The following ARAP1 variants were observed in gnomAD, a reference collection of about 807,000 sequenced individuals.
The protein encoded by ARAP1 is arf-GAP with Rho-GAP domain, ANK repeat and PH domain-containing protein 1.
Under a neutral mutation model 172.2 loss-of-function variants are expected in ARAP1, and 76 were observed. The observed-to-expected ratio is 0.44, with a 90% CI of 0.37 to 0.53. The LOEUF is 0.53. Among genes scored for constraint, ARAP1 ranks in the 20% least tolerant of loss-of-function variants. The probability of loss-of-function intolerance (pLI) is 0.00; values close to 1 mark genes in which losing one functional copy is unlikely to be tolerated. For synonymous variants in ARAP1, 804 were observed against 803.3 expected, an observed-to-expected ratio of 1.00 and a Z score of -0.01; for missense variants, 1,686 against 1,977.5, an observed-to-expected ratio of 0.85 and a Z score of 2.80.
intron 2 of ARAP1, among the ~76,000 whole-genome samples, chr11:72,731,052 T>C (rs1857852091): frequency 6.6e-6 from 1 of 152,200 alleles, no homozygotes; most frequent in African/African-American, 2.4e-5. Context: ...TGGAGTAGTG[T>C]GCAGCTACTG....
Position 72,693,514 on chromosome 11 carries a change from A to T in ARAP1, c.3809-44T>A, listed in dbSNP as rs1230191665. On this transcript the variant is annotated intron_variant, in intron 28 of 34. Transcript: ENST00000393609. The surrounding 1 kb of genome is among the most constrained non-coding windows in gnomAD (Gnocchi z 4.6). Reference sequence around the variant, plus strand: ...GTGGGCACAGGCTGCACCAACCCCTACCCGGGGCTGGGTCCCAGGATGAAG... The same window carrying T: ...GTGGGCACAGGCTGCACCAACCCCTTCCCGGGGCTGGGTCCCAGGATGAAG... 18 of 1,587,090 alleles carry T rather than the reference A, an allele frequency of 1.1e-5. No homozygotes were observed. The highest frequency in any genetic ancestry group is 1.5e-5 in the Non-Finnish European group (18 of 1,163,164).
intron 30 of ARAP1, 190 bp from the exon 31 acceptor site, chr11:72,688,727 C>T: frequency 1.7e-6 from 1 of 572,618 alleles, no homozygotes; most frequent in Non-Finnish European, 3.1e-6. Context: ...CCTCCCAGCC[C>T]TAGGCCCCCA....
At position 72,692,794 on chromosome 11, in the gene ARAP1, T is replaced by C. The variant is rs373747325; in HGVS notation, c.3955-9A>G. The C allele has an allele frequency of 4.9e-5, 79 of 1,613,280 alleles. 1 individual carries two copies. Among genetic ancestry groups the C allele is most frequent in the Non-Finnish European group, 6.4e-5 (76 of 1,179,954 alleles). On this transcript the variant is annotated splice_polypyrimidine_tract_variant and intron_variant, in intron 29 of 34. Transcript: ENST00000393609. ...CTCCACGGCCTCTGGCTCTGTTTGATAGAGGATCAGGGTTATGGAAGAAGT... is the reference window on the plus strand; with the variant it reads ...CTCCACGGCCTCTGGCTCTGTTTGACAGAGGATCAGGGTTATGGAAGAAGT...
chr11:72,732,590 G>C lies in ARAP1; in HGVS notation c.-120C>G, dbSNP rs1857898385. 6.6e-6 allele frequency: 1 copy of C among 152,350 alleles called. No homozygotes were observed. The highest frequency in any genetic ancestry group is 2.4e-5 in the African/African-American group (1 of 41,448). The allele number at this position is 152,350 out of a possible 1,614,324, so 9.4% of individuals were successfully genotyped here. On this transcript the variant is annotated 5_prime_UTR_variant, in exon 2 of 35. Transcript: ENST00000393609. ...TGAAGGGCTCCTCATCTCGGCCTGA[G>C]GCGGGAGCTGCAAGGACAGGGATGG...
In ARAP1 at chr11:72,693,305, A is replaced by C. The variant is rs1031056497; in HGVS notation, c.3954+20T>G. The C allele has an allele frequency of 4.3e-6, 7 of 1,611,918 alleles. No homozygotes were observed. Among genetic ancestry groups the C allele is most frequent in the Non-Finnish European group, 5.9e-6 (7 of 1,178,714 alleles). On this transcript the variant is annotated intron_variant, in intron 29 of 34. Transcript: ENST00000393609. The surrounding 1 kb of genome is among the most constrained non-coding windows in gnomAD (Gnocchi z 4.6). ...TGTACAGGTGCCCACCCTGGGGCAG[A>C]ACCCAGCGGGGCCACTTACCCGGAC...
chr11:72,687,377 C>A (rs1191704552), intron 33 of ARAP1, 62 bp downstream of exon 33: 1 of 1,597,596 alleles, frequency 6.3e-7, no homozygotes, highest in Non-Finnish European at 8.6e-7. Context: ...GCCAATGTCC[C>A]CATTCTCCAT....
chr11:72,733,662 G>A (rs1857931597), intron 1 of ARAP1, among the ~76,000 whole-genome samples: 1 of 152,134 alleles, frequency 6.6e-6, no homozygotes, highest in Admixed American at 6.5e-5. Flanking sequence ...CAACACTAGG[G>A]TTAACTTCAA....
Position 72,693,830 on chromosome 11 carries a change from C to A in ARAP1, c.3695-25G>T. The A allele has an allele frequency of 6.4e-7, 1 of 1,557,094 alleles. No individual in the cohort carries two copies. Among genetic ancestry groups the A allele is most frequent in the Non-Finnish European group, 8.7e-7 (1 of 1,150,238 alleles). Reference sequence around the variant, plus strand: ...TCTGGGGAGAGGTCACACCTACCGTCACTGGGACCACATGGCCCGATACCA... The same window carrying A: ...TCTGGGGAGAGGTCACACCTACCGTAACTGGGACCACATGGCCCGATACCA... On this transcript the variant is annotated intron_variant, in intron 27 of 34. Transcript: ENST00000393609. This position sits in a 1 kb window ranked among gnomAD's most constrained non-coding sequence, Gnocchi z 4.6.
rs894672741 is a variant in ARAP1, at chr11:72,725,471, A to C, written c.509+1149T>G. 6.6e-6 allele frequency among the ~76,000 whole-genome samples: 1 copy of C among 152,046 alleles called. No homozygotes were observed. Among genetic ancestry groups the C allele is most frequent in the African/African-American group, 2.4e-5 (1 of 41,388 alleles). The stretch of plus-strand genomic sequence containing the variant: ...TTCCTGGAGAGACCCTATACCTGTT[A>C]CGAGTTGTGTGAACCCAGGAAGAGC... On this transcript the variant is annotated intron_variant, in intron 3 of 34. Transcript: ENST00000393609. This position sits in a 1 kb window ranked among gnomAD's most constrained non-coding sequence, Gnocchi z 4.3.
At position 72,714,296 on chromosome 11, in the gene ARAP1, A is replaced by C. The variant is rs370188264; in HGVS notation, c.535T>G (p.Leu179Val). The C allele has an allele frequency of 6.5e-7, 1 of 1,547,700 alleles. No homozygotes were observed. Residue 179 changes from leucine to valine, a missense_variant, in exon 4 of 35, where the codon TTG (leucine) becomes GTG (valine). Physicochemically the swap from Leu to Val is conservative, Grantham distance 32. Transcript: ENST00000393609. ...VSLPTKEEES[L>V]LPSLSSPPQP... Reference sequence around the variant, plus strand: ...GGAGGGGATGATAATGATGGCAGCAATGACTCCTCCTCCTTAGTGGGCAGG... The same window carrying C: ...GGAGGGGATGATAATGATGGCAGCACTGACTCCTCCTCCTTAGTGGGCAGG...
intron 13 of ARAP1, 175 bp downstream of exon 13, chr11:72,705,630 T>G (rs775472130): frequency 1.7e-6 from 1 of 572,884 alleles, no homozygotes. Context: ...CTGGCCAGTT[T>G]GCTGACTTTG....
chr11:72,719,855 C>T (rs989993468), intron 3 of ARAP1, among the ~76,000 whole-genome samples: 3 of 152,120 alleles, frequency 2.0e-5, no homozygotes, highest in African/African-American at 7.2e-5. Flanking sequence ...ATACTCTGTT[C>T]CTTCCACCTG....
At position 72,726,105 on chromosome 11, in the gene ARAP1, C is replaced by T. The variant is rs1857680885; in HGVS notation, c.509+515G>A. ...ATGCCAGATGAGGCCTGAGAAGTGT[C>T]CCAGGATTTGCTGACATTTGGCAGT... On this transcript the variant is annotated intron_variant, in intron 3 of 34. Coordinates refer to ENST00000393609, the MANE Select transcript of ARAP1 (RefSeq NM_001040118.3). This position sits in a 1 kb window ranked among gnomAD's most constrained non-coding sequence, Gnocchi z 6.5. Among the ~76,000 whole-genome samples the T allele has an allele frequency of 1.3e-5, 2 of 152,086 alleles. No individual in the cohort carries two copies. The highest frequency in any genetic ancestry group is 1.3e-4 in the Admixed American group (2 of 15,272).
intron 3 of ARAP1, among the ~76,000 whole-genome samples, chr11:72,716,546 G>A (rs946534234): frequency 6.6e-6 from 1 of 152,296 alleles, no homozygotes; most frequent in African/African-American, 2.4e-5. Flanking sequence ...ATCTGGTAGA[G>A]AAACCGGAGC....
intron 3 of ARAP1, among the ~76,000 whole-genome samples, chr11:72,716,813 A>G (rs1857291592): frequency 6.6e-6 from 1 of 152,180 alleles, no homozygotes; most frequent in Non-Finnish European, 1.5e-5. Flanking sequence ...ACCCCATGGC[A>G]GACGAAGGCC....
chr11:72,701,425 A>C (rs1210291244), intron 16 of ARAP1, among the ~76,000 whole-genome samples: 1 of 152,202 alleles, frequency 6.6e-6, no homozygotes, highest in East Asian at 1.9e-4. Context: ...AGGCTCATTT[A>C]GTCCAAAGAA....
chr11:72,697,575 C>T lies in ARAP1; in HGVS notation c.2789+23G>A, dbSNP rs766743260. ...CAGACTGCTCCAGCCTTCTCAGAGC[C>T]CCTCAGGGAGGCCGTGGCTCACCTC... On this transcript the variant is annotated intron_variant, in intron 20 of 34. Coordinates refer to ENST00000393609, the MANE Select transcript of ARAP1 (RefSeq NM_001040118.3). 3.7e-6 allele frequency: 6 copies of T among 1,613,958 alleles called. No homozygotes were observed. In the South Asian group the frequency reaches 5.5e-5, roughly 15 times the overall value.
rs1415479219 is a variant in ARAP1 at position 72,695,829 on chromosome 11, C to A, written c.3309G>T (p.Val1103=). 1 of 1,613,890 alleles carries A rather than the reference C, an allele frequency of 6.2e-7. No individual in the cohort carries two copies. The highest frequency in any genetic ancestry group is 8.5e-7 in the Non-Finnish European group (1 of 1,179,924). Residue 1103 remains valine (V), a synonymous_variant, in exon 24 of 35, where the codon GTG becomes GTT. Coordinates refer to ENST00000393609, the MANE Select transcript of ARAP1 (RefSeq NM_001040118.3). This position sits in a 1 kb window ranked among gnomAD's most constrained non-coding sequence, Gnocchi z 4.4. ...QCFSDTNQMN[V]HNLAIVFGPT... ...GCCCAAACACAATTGCCAGGTTGTGCACGTTCATCTGGTTCGTGTCTGAGA... is the reference window on the plus strand; with the variant it reads ...GCCCAAACACAATTGCCAGGTTGTGAACGTTCATCTGGTTCGTGTCTGAGA...
intron 5 of ARAP1, 140 bp downstream of exon 5, chr11:72,713,036 G>T: frequency 2.2e-6 from 2 of 898,806 alleles, no homozygotes; most frequent in Non-Finnish European, 3.5e-6. Context: ...CCCCCGTATG[G>T]CAAGAGAGTG....
Sources: allele counts gnomAD v4.1 joint callset (sites outside exome capture counted in the v4.1 genomes callset), GRCh38; gene constraint gnomAD v4.1.1; non-coding constraint Gnocchi (gnomAD v3.1); transcripts MANE v1.5; gene names NCBI Gene and HGNC (gene_info 2026-07-23, HGNC 2026-07-21).